MDGA2: variants seen among roughly 807,000 people sequenced by gnomAD.
The protein encoded by MDGA2 is MAM domain containing glycosylphosphatidylinositol anchor 2, also known as MAM domain-containing glycosylphosphatidylinositol anchor protein 2.
MDGA2 carries 40 observed loss-of-function variants against 117.8 expected under a neutral mutation model. The ratio of observed to expected loss-of-function variants is 0.34; its 90% confidence interval spans 0.26 to 0.44. The LOEUF (loss-of-function observed/expected upper bound fraction) is 0.44, where lower values mean the gene tolerates loss of function less well. MDGA2 is among the 20% of genes least tolerant of loss of function. The probability of loss-of-function intolerance (pLI) is 1.00; values close to 1 mark genes in which losing one functional copy is unlikely to be tolerated. For synonymous variants in MDGA2, 452 were observed against 439.0 expected, an observed-to-expected ratio of 1.03 and a Z score of -0.37; for missense variants, 1,123 against 1,250.6, an observed-to-expected ratio of 0.90 and a Z score of 1.54.
At chr14:46,878,221 C>T (rs1482992280) in intron 11 of MDGA2, among the ~76,000 whole-genome samples, 1 of 151,880 alleles carries the variant, frequency 6.6e-6, no homozygotes, top group Non-Finnish European at 1.5e-5. Flanking sequence ...GAAATGAATA[C>T]TTTAAATATT....
At chr14:46,986,523 G>A (rs1327048772) in intron 8 of MDGA2, among the ~76,000 whole-genome samples, 3 of 15,892 alleles carry the variant, frequency 1.9e-4, no homozygotes, top group Admixed American at 1.1e-3. Context: ...ACTGATGTAA[G>A]ATCTTTCTGA....
intron 7 of MDGA2, among the ~76,000 whole-genome samples, chr14:47,046,818 A>G (rs1164032080): frequency 6.6e-6 from 1 of 152,050 alleles, no homozygotes; most frequent in African/African-American, 2.4e-5. Context: ...CTTATATTCC[A>G]TAATATATTT....
At chr14:47,004,274 C>T (rs1887635032) in intron 8 of MDGA2, among the ~76,000 whole-genome samples, 1 of 151,658 alleles carries the variant, frequency 6.6e-6, no homozygotes, top group Admixed American at 6.6e-5. Flanking sequence ...ATAGGTGGAC[C>T]AAAGTTCACT....
intron 1 of MDGA2, chr14:47,444,211 AAGAGC>A (rs2138554866): frequency 4.9e-6 from 1 of 205,320 alleles, no homozygotes; most frequent in Non-Finnish European, 1.0e-5. Context: ...CTGACTGGAG[AAGAGC>A]AGACTGTTTT....
At chr14:47,574,188 G>A (rs765142194) in intron 1 of MDGA2, among the ~76,000 whole-genome samples, 7 of 152,162 alleles carry the variant, frequency 4.6e-5, no homozygotes, top group Admixed American at 2.6e-4. Flanking sequence ...GGTATTAGGC[G>A]ATTCAAACAC....
intron 2 of MDGA2, among the ~76,000 whole-genome samples, chr14:47,272,946 G>A (rs1267301735): frequency 6.6e-6 from 1 of 152,136 alleles, no homozygotes; most frequent in African/African-American, 2.4e-5. Flanking sequence ...GCAGGGAAAT[G>A]CATAGGCCTA....
At chr14:47,527,231 T>A (rs1894991231) in intron 1 of MDGA2, among the ~76,000 whole-genome samples, 1 of 152,224 alleles carries the variant, frequency 6.6e-6, no homozygotes, top group African/African-American at 2.4e-5. Context: ...TACTTCTGAC[T>A]TTAAAGCTAA....
intron 1 of MDGA2, among the ~76,000 whole-genome samples, chr14:47,503,128 T>C (rs1389099342): frequency 6.6e-6 from 1 of 152,228 alleles, no homozygotes; most frequent in Non-Finnish European, 1.5e-5. Flanking sequence ...TTCTCCATTA[T>C]AGTATGGACT....
chr14:47,079,851 C>A (rs1890641411), intron 6 of MDGA2, among the ~76,000 whole-genome samples: 1 of 149,990 alleles, frequency 6.7e-6, no homozygotes, highest in Non-Finnish European at 1.5e-5. Context: ...CCTGCCTCAG[C>A]CTCCCGAGTA....
chr14:47,648,155 ATTG>A (rs1228216693), intron 1 of MDGA2, among the ~76,000 whole-genome samples: 9 of 152,138 alleles, frequency 5.9e-5, no homozygotes, highest in Admixed American at 3.9e-4. Flanking sequence ...GCCATTTTAT[ATTG>A]TTAAGAGACA....
chr14:47,624,724 A>T (rs1897109913), intron 1 of MDGA2, among the ~76,000 whole-genome samples: 1 of 152,156 alleles, frequency 6.6e-6, no homozygotes. Context: ...AGTCAAAACC[A>T]ATTTAGTTCC....
rs112870335 is a variant in MDGA2, at chr14:47,484,304, G to C, written c.281-182754C>G. Among the ~76,000 whole-genome samples, 2 of 151,986 alleles carry C rather than the reference G, an allele frequency of 1.3e-5. 1 individual carries two copies. Among genetic ancestry groups the C allele is most frequent in the Non-Finnish European group, 2.9e-5 (2 of 68,012 alleles). On this transcript the variant is annotated intron_variant, in intron 1 of 16. Transcript: ENST00000399232. Reference sequence around the variant, plus strand: ...CACAACTAGATGTGAAATACATTTGGTCTTCAGTTTTCATACAAATATAGA... The same window carrying C: ...CACAACTAGATGTGAAATACATTTGCTCTTCAGTTTTCATACAAATATAGA...
At chr14:47,553,874 C>T (rs1276815946) in intron 1 of MDGA2, among the ~76,000 whole-genome samples, 1 of 152,146 alleles carries the variant, frequency 6.6e-6, no homozygotes, top group Non-Finnish European at 1.5e-5. Context: ...TATCTAACTA[C>T]CTATACTTTC....
At chr14:47,152,414 C>T (rs1255175037) in intron 3 of MDGA2, among the ~76,000 whole-genome samples, 3 of 151,960 alleles carry the variant, frequency 2.0e-5, no homozygotes, top group Admixed American at 1.3e-4. Flanking sequence ...CTATTTTGGG[C>T]CAGGATGTTT....
intron 1 of MDGA2, among the ~76,000 whole-genome samples, chr14:47,455,737 C>T (rs11624153): frequency 0.31 from 47,008 of 151,724 alleles, 7,603 homozygotes; most frequent in South Asian, 0.53. Flanking sequence ...TGGCTCACGC[C>T]TGTAATCCCA....
intron 3 of MDGA2, among the ~76,000 whole-genome samples, chr14:47,161,553 A>G (rs1384568531): frequency 2.0e-5 from 3 of 151,756 alleles, no homozygotes; most frequent in African/African-American, 7.2e-5. Context: ...ATATATATAT[A>G]CATATATTTA....
At chr14:47,616,713 AT>A (rs1363584787) in intron 1 of MDGA2, among the ~76,000 whole-genome samples, 1 of 152,150 alleles carries the variant, frequency 6.6e-6, no homozygotes, top group Non-Finnish European at 1.5e-5. Flanking sequence ...AAATAGAACA[AT>A]TTTTTAGATA....
chr14:47,068,294 C>T (rs1890154565), intron 6 of MDGA2, among the ~76,000 whole-genome samples: 1 of 151,470 alleles, frequency 6.6e-6, no homozygotes, highest in Non-Finnish European at 1.5e-5. Context: ...GCACAATGTA[C>T]TCTTTTTGGG....
intron 8 of MDGA2, among the ~76,000 whole-genome samples, chr14:46,987,696 G>A (rs2138415094): frequency 6.6e-6 from 1 of 152,130 alleles, no homozygotes; most frequent in East Asian, 1.9e-4. Context: ...ATGCCTCCCT[G>A]ATCTTGAAGG....
Sources: allele counts gnomAD v4.1 joint callset (sites outside exome capture counted in the v4.1 genomes callset), GRCh38; gene constraint gnomAD v4.1.1; transcripts MANE v1.5; gene names NCBI Gene and HGNC (gene_info 2026-07-23, HGNC 2026-07-21).